MYO3B: variants seen among roughly 807,000 people sequenced by gnomAD.
MYO3B encodes the protein myosin-IIIb.
A neutral mutation model predicts 174.6 loss-of-function variants in MYO3B; 156 were observed. That is an observed-to-expected ratio of 0.89 (90% confidence interval 0.78 to 1.02). MYO3B has a LOEUF of 1.02. Ranked by LOEUF, MYO3B falls within the 50% of genes least tolerant of loss-of-function variation. The pLI is 0.00. For synonymous variants in MYO3B, 563 were observed against 569.1 expected (o/e 0.99, Z 0.15); for missense variants, 1,632 against 1,639.4 (o/e 1.00, Z 0.08).
chr2:170,245,394 T>C (rs1169441726), intron 7 of MYO3B, among the ~76,000 whole-genome samples: 2 of 152,108 alleles, frequency 1.3e-5, no homozygotes, highest in Admixed American at 1.3e-4. Flanking sequence ...GCATGAAACA[T>C]GAGGTTTGAT....
At chr2:170,345,010 G>C (rs1490949677) in intron 8 of MYO3B, 4 of 152,362 alleles carry the variant, frequency 2.6e-5, no homozygotes, top group Admixed American at 6.5e-5. Context: ...CCGGGTCTTT[G>C]CCTAAGAGCT....
intron 7 of MYO3B, among the ~76,000 whole-genome samples, chr2:170,244,150 T>C (rs1172964792): frequency 6.6e-6 from 1 of 152,200 alleles, no homozygotes; most frequent in Non-Finnish European, 1.5e-5. Context: ...TGTGCTCGGT[T>C]GATGAGTCGT....
chr2:170,572,573 C>T (rs1489479972), intron 32 of MYO3B, among the ~76,000 whole-genome samples: 1 of 150,370 alleles, frequency 6.7e-6, no homozygotes, highest in East Asian at 2.0e-4. Flanking sequence ...CATGATTGCA[C>T]CACTGCACTC....
At chr2:170,349,059 T>A (rs887418320) in intron 8 of MYO3B, among the ~76,000 whole-genome samples, 1 of 152,204 alleles carries the variant, frequency 6.6e-6, no homozygotes, top group Admixed American at 6.5e-5. Context: ...CTACTCATAA[T>A]TATTCTGTGT....
chr2:170,182,752 C>T (rs929123512), intron 1 of MYO3B, among the ~76,000 whole-genome samples: 1 of 151,436 alleles, frequency 6.6e-6, no homozygotes, highest in South Asian at 2.1e-4. Context: ...GCTGGGATTA[C>T]AGGCACCTGC....
intron 30 of MYO3B, among the ~76,000 whole-genome samples, chr2:170,529,649 G>A (rs951763084): frequency 6.6e-6 from 1 of 152,072 alleles, no homozygotes; most frequent in African/African-American, 2.4e-5. Context: ...TCCTCATCAA[G>A]CTCTTTATTA....
chr2:170,475,222 C>A lies in MYO3B; in HGVS notation c.3014+8511C>A, dbSNP rs970467405. Reference sequence around the variant, plus strand: ...TGCTGCATGTCACTATGTCACTTCCCTTTCGCAGGGTCTCTTCTCTTAGCC... The same window carrying A: ...TGCTGCATGTCACTATGTCACTTCCATTTCGCAGGGTCTCTTCTCTTAGCC... On this transcript the variant is annotated intron_variant, in intron 25 of 34. Coordinates refer to ENST00000408978, the MANE Select transcript of MYO3B (RefSeq NM_138995.5). Among the ~76,000 whole-genome samples, 2 of 152,108 alleles carry A rather than the reference C, an allele frequency of 1.3e-5. 1 individual carries two copies. The highest frequency in any genetic ancestry group is 6.3e-3 in the Middle Eastern group (2 of 316).
At chr2:170,564,637 A>T (rs1437323021) in intron 32 of MYO3B, among the ~76,000 whole-genome samples, 2 of 152,232 alleles carry the variant, frequency 1.3e-5, no homozygotes, top group Admixed American at 1.3e-4. Context: ...TACAATTTTT[A>T]TACAAAAATA....
At chr2:170,289,708 C>A (rs2093583224) in intron 7 of MYO3B, among the ~76,000 whole-genome samples, 1 of 151,566 alleles carries the variant, frequency 6.6e-6, no homozygotes, top group Non-Finnish European at 1.5e-5. Context: ...TTTATTTTTG[C>A]TCTGATCTTT....
At chr2:170,407,385 C>T (rs552065079) in intron 21 of MYO3B, among the ~76,000 whole-genome samples, 6 of 151,950 alleles carry the variant, frequency 3.9e-5, no homozygotes, top group South Asian at 2.1e-4. Context: ...CACTTGAACC[C>T]GGGAGGCGGA....
rs2093771553 is a variant in MYO3B, at chr2:170,315,801, A to T, written c.750-19584A>T. Among the ~76,000 whole-genome samples the T allele has an allele frequency of 2.6e-5, 4 of 152,210 alleles. No individual in the cohort carries two copies. In the South Asian group the frequency reaches 8.3e-4, roughly 31 times the overall value. On this transcript the variant is annotated intron_variant, in intron 7 of 34. Transcript: ENST00000408978. ...AGGAGTTAGGAAATTGCCCAGGCTG[A>T]TGAAGATAGTAAGCACTAGAACTGG... is the stretch of plus-strand genomic sequence containing the variant.
intron 7 of MYO3B, among the ~76,000 whole-genome samples, chr2:170,252,944 A>T (rs1320486706): frequency 1.3e-5 from 2 of 152,172 alleles, no homozygotes; most frequent in African/African-American, 4.8e-5. Context: ...GTGGTAGATG[A>T]TGATGCCCTG....
intron 7 of MYO3B, 49 bp from the exon 8 acceptor site, chr2:170,335,336 T>C (rs763055537): frequency 7.2e-7 from 1 of 1,395,790 alleles, no homozygotes; most frequent in Non-Finnish European, 1.0e-6. Flanking sequence ...ATATTTTGCC[T>C]TTAATGAAAT....
chr2:170,650,077 G>C (rs1698890315), intron 32 of MYO3B: 1 of 115,680 alleles, frequency 8.6e-6, no homozygotes, highest in African/African-American at 3.4e-5. Context: ...CTGTCACCCA[G>C]ACTGGAGTGC....
At chr2:170,293,928 GAA>G (rs1268837281) in intron 7 of MYO3B, among the ~76,000 whole-genome samples, 1 of 151,530 alleles carries the variant, frequency 6.6e-6, no homozygotes, top group Non-Finnish European at 1.5e-5. Context: ...GATATGGAGG[GAA>G]AAAAATGATA....
chr2:170,473,683 T>C (rs1337584606), intron 25 of MYO3B, among the ~76,000 whole-genome samples: 2 of 152,176 alleles, frequency 1.3e-5, no homozygotes, highest in Admixed American at 1.3e-4. Context: ...AGTTTGACAA[T>C]GCTATTATTA....
intron 25 of MYO3B, among the ~76,000 whole-genome samples, chr2:170,471,490 A>T (rs1433096441): frequency 6.6e-6 from 1 of 152,070 alleles, no homozygotes; most frequent in African/African-American, 2.4e-5. Context: ...TGTGACAAAG[A>T]TTTACTCCTA....
intron 16 of MYO3B, among the ~76,000 whole-genome samples, chr2:170,393,136 TGCAG>T (rs1558955702): frequency 1.3e-5 from 2 of 149,606 alleles, no homozygotes; most frequent in African/African-American, 4.9e-5. Context: ...CAGGCTGGAG[TGCAG>T]TGGCGGGATC....
chr2:170,393,246 A>C (rs1159029235), intron 16 of MYO3B, among the ~76,000 whole-genome samples: 1 of 151,424 alleles, frequency 6.6e-6, no homozygotes, highest in Non-Finnish European at 1.5e-5. Flanking sequence ...ACCACACCTG[A>C]CTAATTTTTG....
Sources: gnomAD v4.1 joint callset for allele counts (sites outside exome capture counted in the v4.1 genomes callset) on GRCh38, gnomAD v4.1.1 for gene constraint, MANE v1.5 for transcripts, NCBI Gene and HGNC (gene_info 2026-07-23, HGNC 2026-07-21) for gene names.